Variants in RALYL observed in about 807,000 individuals in gnomAD.
RALYL encodes the protein RNA-binding Raly-like protein.
A neutral mutation model predicts 35.1 loss-of-function variants in RALYL; 29 were observed. The observed-to-expected ratio is 0.83, with a 90% confidence interval of 0.61 to 1.13. The LOEUF (loss-of-function observed/expected upper bound fraction) is 1.13, where lower values mean the gene tolerates loss of function less well. Among genes scored for constraint, RALYL ranks in the 50% most tolerant of loss-of-function variants. RALYL has a pLI of 0.00. For missense variants in RALYL, 359 were observed against 360.4 expected (o/e 1.00, Z 0.03); for synonymous variants, 120 against 127.6 (o/e 0.94, Z 0.40).
At chr8:84,519,682 T>C (rs1449697619) in intron 1 of RALYL, among the ~76,000 whole-genome samples, 1 of 152,234 alleles carries the variant, frequency 6.6e-6, no homozygotes, top group East Asian at 1.9e-4. Flanking sequence ...TTCTAGACCT[T>C]CTTTTAAAAT....
chr8:84,860,124 T>G (rs1183500856), intron 5 of RALYL, among the ~76,000 whole-genome samples: 1 of 152,184 alleles, frequency 6.6e-6, no homozygotes, highest in East Asian at 1.9e-4. Context: ...GATAAACATT[T>G]TTGTTTCCTA....
chr8:84,523,652 C>T (rs1037891784), intron 1 of RALYL, among the ~76,000 whole-genome samples: 1 of 104,730 alleles, frequency 9.5e-6, no homozygotes, highest in Non-Finnish European at 2.1e-5. Context: ...TCTCCCAATG[C>T]TATCCCTCCC....
chr8:84,841,207 T>C (rs1388485755), intron 4 of RALYL, among the ~76,000 whole-genome samples: 3 of 152,190 alleles, frequency 2.0e-5, no homozygotes, highest in Non-Finnish European at 4.4e-5. Context: ...ATCAGTGTGC[T>C]GTATTCAGGA....
intron 2 of RALYL, among the ~76,000 whole-genome samples, chr8:84,610,024 G>A (rs1350552293): frequency 6.6e-6 from 1 of 152,038 alleles, no homozygotes; most frequent in Non-Finnish European, 1.5e-5. Flanking sequence ...CCATAATTCA[G>A]TTACCTCCCA....
Position 84,243,909 on chromosome 8 carries a change from T to A in RALYL, c.-24+59485T>A, listed in dbSNP as rs189263331. Among the ~76,000 whole-genome samples, 295 of 152,292 alleles carry A rather than the reference T, an allele frequency of 1.9e-3. 2 individuals carry two copies. Among genetic ancestry groups the A allele is most frequent in the Non-Finnish European group, 3.5e-3 (237 of 68,010 alleles). On this transcript the variant is annotated intron_variant, in intron 1 of 8. Transcript: ENST00000521268. ...GGACATGCACCCTCTCTTTGGCATT[T>A]CCCTTTGAAGTCAGACTTAGTCAGT...
Position 84,455,065 on chromosome 8 carries a change from G to A in RALYL, c.-23-74234G>A, listed in dbSNP as rs561637891. Among the ~76,000 whole-genome samples the A allele has an allele frequency of 2.6e-5, 4 of 152,072 alleles. No individual in the cohort carries two copies. In the South Asian group the frequency reaches 8.3e-4, roughly 32 times the overall value. ...TATAAAATTCTTTGCCATGCAAAGG[G>A]GAATAAAAATGAGCCAGGCGCTGCA... On this transcript the variant is annotated intron_variant, in intron 1 of 8. Transcript: ENST00000521268.
chr8:84,770,508 A>G (rs1289089810), intron 2 of RALYL, among the ~76,000 whole-genome samples: 2 of 151,160 alleles, frequency 1.3e-5, no homozygotes, highest in Non-Finnish European at 3.0e-5. Context: ...TGCTATAAAT[A>G]TGCACGTGCA....
chr8:84,728,289 C>T (rs369215720), intron 2 of RALYL, among the ~76,000 whole-genome samples: 6 of 152,088 alleles, frequency 3.9e-5, no homozygotes, highest in South Asian at 2.1e-4. Flanking sequence ...GAAGTGTCTG[C>T]TCATGTCCTT....
At chr8:84,690,467 G>A (rs1837806379) in intron 2 of RALYL, among the ~76,000 whole-genome samples, 1 of 152,056 alleles carries the variant, frequency 6.6e-6, no homozygotes, top group Non-Finnish European at 1.5e-5. Flanking sequence ...CTACAGAATG[G>A]TGGCTATAGC....
intron 2 of RALYL, among the ~76,000 whole-genome samples, chr8:84,630,444 T>C (rs1297773777): frequency 2.0e-5 from 3 of 151,916 alleles, no homozygotes; most frequent in African/African-American, 7.2e-5. Flanking sequence ...AAAAGGGAAG[T>C]ATGATGAGTC....
intron 1 of RALYL, among the ~76,000 whole-genome samples, chr8:84,259,035 A>G (rs1303605593): frequency 3.9e-5 from 6 of 152,136 alleles, no homozygotes; most frequent in Non-Finnish European, 2.9e-5. Flanking sequence ...CATCTTACTA[A>G]CATGTTATTT....
intron 2 of RALYL, among the ~76,000 whole-genome samples, chr8:84,536,273 A>C (rs765961861): frequency 8.5e-5 from 13 of 152,194 alleles, no homozygotes; most frequent in Non-Finnish European, 1.8e-4. Context: ...TAAGTGAAAA[A>C]TACGGAGTAC....
rs538524849 is a variant in RALYL at position 84,238,294 on chromosome 8, T to C, written c.-24+53870T>C. Among the ~76,000 whole-genome samples the C allele has an allele frequency of 2.6e-5, 4 of 152,252 alleles. No homozygotes were observed. The East Asian group carries it at 7.7e-4, about 29-fold the overall frequency. On this transcript the variant is annotated intron_variant, in intron 1 of 8. Coordinates refer to ENST00000521268, the MANE Select transcript of RALYL (RefSeq NM_173848.7). ...GTCCAGAAATTGATCGTATACATAT[T>C]ATGAGGGAAATTATTTTGTTGTAAA...
intron 2 of RALYL, among the ~76,000 whole-genome samples, chr8:84,758,027 C>T (rs1325003828): frequency 6.6e-6 from 1 of 152,144 alleles, no homozygotes; most frequent in Non-Finnish European, 1.5e-5. Context: ...GTTTTGACAG[C>T]TCTGATCCAT....
chr8:84,636,647 T>C (rs1825125491), intron 2 of RALYL, among the ~76,000 whole-genome samples: 1 of 151,830 alleles, frequency 6.6e-6, no homozygotes, highest in Non-Finnish European at 1.5e-5. Flanking sequence ...TCTGCTTTTT[T>C]CCACCTACAG....
intron 2 of RALYL, among the ~76,000 whole-genome samples, chr8:84,626,306 G>A (rs940657202): frequency 6.6e-6 from 1 of 152,158 alleles, no homozygotes; most frequent in Non-Finnish European, 1.5e-5. Flanking sequence ...TGCATTGTGC[G>A]AATTCCGCCC....
intron 2 of RALYL, among the ~76,000 whole-genome samples, chr8:84,619,549 T>C (rs1208652616): frequency 6.8e-6 from 1 of 147,536 alleles, no homozygotes; most frequent in African/African-American, 2.6e-5. Flanking sequence ...CTTTATCCAA[T>C]TTGCCAGTCT....
At chr8:84,762,931 C>T (rs1256062702) in intron 2 of RALYL, among the ~76,000 whole-genome samples, 2 of 152,066 alleles carry the variant, frequency 1.3e-5, no homozygotes, top group Non-Finnish European at 2.9e-5. Context: ...TTCTTCTGCT[C>T]AGAATTCCTA....
intron 2 of RALYL, among the ~76,000 whole-genome samples, chr8:84,657,587 T>C (rs1451485718): frequency 6.6e-6 from 1 of 152,174 alleles, no homozygotes; most frequent in Non-Finnish European, 1.5e-5. Flanking sequence ...GATGAATACC[T>C]TCAGTAGATT....
Sources: allele counts gnomAD v4.1 joint callset (sites outside exome capture counted in the v4.1 genomes callset), GRCh38; gene constraint gnomAD v4.1.1; transcripts MANE v1.5; gene names NCBI Gene and HGNC (gene_info 2026-07-23, HGNC 2026-07-21).